Variants in OXR1 observed in about 807,000 individuals in gnomAD.
OXR1 encodes oxidation resistance protein 1.
OXR1 carries 41 observed loss-of-function variants against 104.6 expected under a neutral mutation model. The observed-to-expected ratio is 0.39, with a 90% CI of 0.31 to 0.51. The LOEUF (loss-of-function observed/expected upper bound fraction) is 0.51. OXR1 is among the 20% of genes least tolerant of loss of function. The probability of loss-of-function intolerance (pLI) is 0.77; values close to 1 mark genes in which losing one functional copy is unlikely to be tolerated. For synonymous variants in OXR1, 348 were observed against 348.4 expected (o/e 1.00, Z 0.01); for missense variants, 955 against 1,031.9 (o/e 0.93, Z 1.02).
chr8:106,331,875 T>C (rs527556654), intron 1 of OXR1, among the ~76,000 whole-genome samples: 10 of 151,468 alleles, frequency 6.6e-5, no homozygotes, highest in Non-Finnish European at 7.4e-5. Flanking sequence ...GAGGCAGAGG[T>C]TGTAGTGAGA....
At chr8:106,614,328 A>G (rs1349263121) in intron 3 of OXR1, among the ~76,000 whole-genome samples, 4 of 152,374 alleles carry the variant, frequency 2.6e-5, no homozygotes, top group African/African-American at 9.6e-5. Flanking sequence ...AAGTCACTTT[A>G]TCACAACTTG....
At chr8:106,293,774 C>G (rs535421434) in intron 1 of OXR1, among the ~76,000 whole-genome samples, 1 of 152,186 alleles carries the variant, frequency 6.6e-6, no homozygotes, top group South Asian at 2.1e-4. Context: ...AAGACAGAAC[C>G]CATTCCTCCA....
chr8:106,735,240 A>G (rs1348097980), intron 11 of OXR1, among the ~76,000 whole-genome samples: 1 of 149,838 alleles, frequency 6.7e-6, no homozygotes, highest in Admixed American at 6.6e-5. Flanking sequence ...AGTTTTCTGT[A>G]TCCTCACCCA....
At chr8:106,605,599 A>G (rs1820310985) in intron 3 of OXR1, among the ~76,000 whole-genome samples, 1 of 150,140 alleles carries the variant, frequency 6.7e-6, no homozygotes, top group Admixed American at 6.7e-5. Flanking sequence ...GTTCCAGACT[A>G]GCTTGACCAA....
chr8:106,562,909 C>G (rs1816787012), intron 3 of OXR1, among the ~76,000 whole-genome samples: 1 of 152,136 alleles, frequency 6.6e-6, no homozygotes, highest in Non-Finnish European at 1.5e-5. Context: ...CCTTTACAGA[C>G]AAGCAAATGC....
chr8:106,637,398 C>T (rs3110425), intron 3 of OXR1, among the ~76,000 whole-genome samples: 58,741 of 151,844 alleles, frequency 0.39, 11,822 homozygotes, highest in African/African-American at 0.5. Context: ...GGATCATTTT[C>T]CCCAGAAAAC....
intron 1 of OXR1, among the ~76,000 whole-genome samples, chr8:106,293,550 T>A (rs544535340): frequency 6.6e-6 from 1 of 152,352 alleles, no homozygotes; most frequent in East Asian, 1.9e-4. Flanking sequence ...TAAACTTTTG[T>A]GTCTTGGGTT....
intron 2 of OXR1, among the ~76,000 whole-genome samples, chr8:106,496,769 T>A (rs377414418): frequency 1.7e-4 from 26 of 152,310 alleles, no homozygotes; most frequent in African/African-American, 6.3e-4. Flanking sequence ...CTAATATCCC[T>A]AGGGAGACTA....
At chr8:106,558,030 C>T (rs1389917281) in intron 3 of OXR1, among the ~76,000 whole-genome samples, 1 of 152,172 alleles carries the variant, frequency 6.6e-6, no homozygotes, top group Non-Finnish European at 1.5e-5. Context: ...TGGCTTTGAA[C>T]TTCCGCTTTA....
chr8:106,297,544 C>G (rs1371705490), intron 1 of OXR1, among the ~76,000 whole-genome samples: 1 of 148,452 alleles, frequency 6.7e-6, no homozygotes, highest in Non-Finnish European at 1.5e-5. Flanking sequence ...ATACTGTAGG[C>G]AGTTGTAACA....
chr8:106,388,892 C>T (rs1007370585), intron 2 of OXR1, among the ~76,000 whole-genome samples: 3 of 152,326 alleles, frequency 2.0e-5, no homozygotes, highest in Admixed American at 6.5e-5. Context: ...GTCCTCTGTG[C>T]TCAAAGAGAT....
intron 2 of OXR1, among the ~76,000 whole-genome samples, chr8:106,397,993 T>C (rs1294572827): frequency 1.3e-5 from 2 of 152,144 alleles, no homozygotes; most frequent in Non-Finnish European, 2.9e-5. Context: ...TCTGGCATTC[T>C]GTGCCTTGTA....
At position 106,737,612 on chromosome 8, in the gene OXR1, A is replaced by T. The variant is rs1028919584; in HGVS notation, c.2037+12A>T. The T allele has an allele frequency of 1.5e-6, 2 of 1,301,208 alleles. No homozygotes were observed. The highest frequency in any genetic ancestry group is 2.0e-6 in the Non-Finnish European group (2 of 985,068). The allele number at this position is 1,301,208 out of a possible 1,614,324, so 80.6% of individuals were successfully genotyped here. A position where few individuals can be genotyped will look rare whatever the true frequency, so the allele number is the denominator to read the frequency against. On this transcript the variant is annotated intron_variant, in intron 12 of 16. Transcript: ENST00000517566. ...GCAGACGCCTCCAGGTGCCCCCTTC[A>T]GTAGTTTAAACCCCTCCAGAGACTA... is the stretch of plus-strand genomic sequence containing the variant.
At chr8:106,390,283 A>T (rs941256071) in intron 2 of OXR1, among the ~76,000 whole-genome samples, 2 of 152,142 alleles carry the variant, frequency 1.3e-5, no homozygotes, top group Non-Finnish European at 2.9e-5. Flanking sequence ...CAGCCTAGGG[A>T]CACTACTGGG....
intron 1 of OXR1, among the ~76,000 whole-genome samples, chr8:106,295,261 G>A (rs1046271359): frequency 6.6e-6 from 1 of 152,092 alleles, no homozygotes; most frequent in Non-Finnish European, 1.5e-5. Flanking sequence ...AGGATAAGAG[G>A]TTTTAGGATT....
At chr8:106,500,560 G>A (rs765258085) in intron 2 of OXR1, among the ~76,000 whole-genome samples, 9 of 151,696 alleles carry the variant, frequency 5.9e-5, no homozygotes, top group Non-Finnish European at 7.4e-5. Flanking sequence ...CAGGGAGCTC[G>A]GATTTTAAGG....
intron 2 of OXR1, among the ~76,000 whole-genome samples, chr8:106,397,196 G>A (rs1006131885): frequency 1.3e-5 from 2 of 151,976 alleles, no homozygotes; most frequent in Non-Finnish European, 2.9e-5. Context: ...TTAAGTTTTG[G>A]TACTTGTGCA....
At chr8:106,273,801 AC>A (rs1373771520) in intron 1 of OXR1, among the ~76,000 whole-genome samples, 18 of 152,208 alleles carry the variant, frequency 1.2e-4, no homozygotes, top group African/African-American at 4.1e-4. Flanking sequence ...TAAAAAACAA[AC>A]AAACAAAAAA....
At chr8:106,508,976 G>A (rs922774101) in intron 2 of OXR1, among the ~76,000 whole-genome samples, 9 of 152,172 alleles carry the variant, frequency 5.9e-5, no homozygotes, top group African/African-American at 2.2e-4. Flanking sequence ...GATTTATAGA[G>A]ATAGTTTGTA....
Sources: allele counts gnomAD v4.1 joint callset (sites outside exome capture counted in the v4.1 genomes callset), GRCh38; gene constraint gnomAD v4.1.1; transcripts MANE v1.5; gene names NCBI Gene and HGNC (gene_info 2026-07-23, HGNC 2026-07-21).